Variants in GALNT13 observed in about 807,000 individuals in gnomAD.
GALNT13 encodes UDP-GalNAc:polypeptide N-acetylgalactosaminyltransferase 13.
In GALNT13, 28 loss-of-function variants were observed where a neutral mutation model predicts 64.2. That is an observed-to-expected ratio of 0.44 (90% CI 0.32 to 0.60). The LOEUF is 0.60. Ranked by LOEUF, GALNT13 falls within the 20% of genes least tolerant of loss-of-function variation. GALNT13 has a pLI of 0.05. For synonymous variants in GALNT13, 214 were observed against 224.6 expected, an observed-to-expected ratio of 0.95 and a Z score of 0.42; for missense variants, 577 against 669.8, an observed-to-expected ratio of 0.86 and a Z score of 1.53.
At chr2:154,234,762 C>T (rs1689102017) in intron 4 of GALNT13, among the ~76,000 whole-genome samples, 1 of 152,044 alleles carries the variant, frequency 6.6e-6, no homozygotes, top group African/African-American at 2.4e-5. Context: ...CATTGCAAAC[C>T]TTTCATCCAT....
At chr2:153,147,615 A>G in the GALNT13 span, among the ~76,000 whole-genome samples, 2 of 150,524 alleles carry the variant, frequency 1.3e-5, no homozygotes, top group Non-Finnish European at 3.0e-5. Context: ...ACTCCTAGAG[A>G]TGGTTACAGT....
the GALNT13 span, among the ~76,000 whole-genome samples, chr2:153,684,892 TG>T: frequency 2.0e-5 from 3 of 151,910 alleles, no homozygotes; most frequent in African/African-American, 7.2e-5. Context: ...ATTGTGAGTG[TG>T]AACACGCAGG....
the GALNT13 span, among the ~76,000 whole-genome samples, chr2:153,675,869 C>G: frequency 6.6e-6 from 1 of 151,866 alleles, no homozygotes; most frequent in South Asian, 2.1e-4. Flanking sequence ...TAAAGCAGTG[C>G]TAAGAGGAAA....
intron 3 of GALNT13, among the ~76,000 whole-genome samples, chr2:154,070,364 A>G (rs1018576695): frequency 5.3e-5 from 8 of 152,180 alleles, no homozygotes; most frequent in Non-Finnish European, 2.9e-5. Context: ...TCATACTGTC[A>G]TATGGTTCCA....
intron 3 of GALNT13, among the ~76,000 whole-genome samples, chr2:154,091,525 A>G (rs1701809027): frequency 6.6e-6 from 1 of 151,836 alleles, no homozygotes; most frequent in Non-Finnish European, 1.5e-5. Context: ...ATGAGTTATT[A>G]CCTTTTATTA....
At chr2:153,341,784 G>A in the GALNT13 span, among the ~76,000 whole-genome samples, 4 of 152,180 alleles carry the variant, frequency 2.6e-5, no homozygotes, top group Admixed American at 6.5e-5. Context: ...TTATGGAAAG[G>A]GCCACTTCCT....
At chr2:154,195,799 C>G (rs1188169291) in intron 4 of GALNT13, among the ~76,000 whole-genome samples, 1 of 152,154 alleles carries the variant, frequency 6.6e-6, no homozygotes. Context: ...TCCAAACACC[C>G]TGCACAGCCA....
chr2:154,086,864 C>T (rs904136630), intron 3 of GALNT13, among the ~76,000 whole-genome samples: 14 of 152,062 alleles, frequency 9.2e-5, no homozygotes, highest in African/African-American at 2.9e-4. Flanking sequence ...ATAAACATAC[C>T]GTTATATAAA....
the GALNT13 span, among the ~76,000 whole-genome samples, chr2:153,172,625 T>C: frequency 6.6e-6 from 1 of 152,138 alleles, no homozygotes; most frequent in Non-Finnish European, 1.5e-5. Context: ...AGCCAGTTGA[T>C]AGCCAGCAGG....
intron 4 of GALNT13, among the ~76,000 whole-genome samples, chr2:154,221,696 A>G (rs188306169): frequency 2.3e-3 from 343 of 152,246 alleles, no homozygotes; most frequent in African/African-American, 7.8e-3. Context: ...GAGTTCAGAT[A>G]CTAACCCTAT....
At chr2:153,857,238 T>C in the GALNT13 span, among the ~76,000 whole-genome samples, 2 of 151,854 alleles carry the variant, frequency 1.3e-5, no homozygotes, top group African/African-American at 2.4e-5. Context: ...GAAAATTGAG[T>C]TTTTTCAATG....
chr2:154,362,243 A>T (rs1231511566), intron 9 of GALNT13, among the ~76,000 whole-genome samples: 1 of 86,436 alleles, frequency 1.2e-5, no homozygotes, highest in African/African-American at 4.4e-5. Flanking sequence ...TTCTACCCCC[A>T]CCCCCACCCC....
At chr2:153,126,325 TA>T in the GALNT13 span, among the ~76,000 whole-genome samples, 2 of 107,958 alleles carry the variant, frequency 1.9e-5, no homozygotes, top group Non-Finnish European at 3.8e-5. Flanking sequence ...TATATATATA[TA>T]TATATATATA....
chr2:153,964,892 A>G lies in GALNT13; in HGVS notation c.142+20253A>G, dbSNP rs531988478. Among the ~76,000 whole-genome samples the G allele has an allele frequency of 3.4e-3, 521 of 152,238 alleles. 3 individuals carry two copies. The highest frequency in any genetic ancestry group is 6.8e-3 in the Middle Eastern group (2 of 294). On this transcript the variant is annotated intron_variant, in intron 3 of 12. Transcript: ENST00000392825. ...TTAAAAATATGGTTTTAATGGCCAC[A>G]CAATATTTTATCATATGTCTATATG...
At chr2:153,674,976 C>T in the GALNT13 span, among the ~76,000 whole-genome samples, 8 of 152,088 alleles carry the variant, frequency 5.3e-5, no homozygotes, top group Admixed American at 3.9e-4. Context: ...CAGAGAAATG[C>T]AAATCAAAAC....
the GALNT13 span, among the ~76,000 whole-genome samples, chr2:153,287,334 T>C: frequency 6.6e-6 from 1 of 152,180 alleles, no homozygotes; most frequent in African/African-American, 2.4e-5. Context: ...CATGCCACTC[T>C]CAGTGTTGCC....
At chr2:154,186,788 T>C (rs1309521851) in intron 4 of GALNT13, among the ~76,000 whole-genome samples, 1 of 152,142 alleles carries the variant, frequency 6.6e-6, no homozygotes, top group Non-Finnish European at 1.5e-5. Flanking sequence ...TTTAGAAGAA[T>C]GTGTTGCATT....
At chr2:153,130,217 C>T in the GALNT13 span, among the ~76,000 whole-genome samples, 1 of 152,158 alleles carries the variant, frequency 6.6e-6, no homozygotes, top group Non-Finnish European at 1.5e-5. Context: ...ACATTCTATT[C>T]TATTCTTAAC....
intron 3 of GALNT13, among the ~76,000 whole-genome samples, chr2:154,065,677 C>A (rs548374672): frequency 1.3e-5 from 2 of 152,182 alleles, no homozygotes; most frequent in African/African-American, 4.8e-5. Flanking sequence ...CCCCCTAATG[C>A]AGATATGGCT....
Sources: gnomAD v4.1 joint callset for allele counts (sites outside exome capture counted in the v4.1 genomes callset) on GRCh38, gnomAD v4.1.1 for gene constraint, MANE v1.5 for transcripts, NCBI Gene and HGNC (gene_info 2026-07-23, HGNC 2026-07-21) for gene names.